The following MAP3K9 variants were observed in gnomAD, a reference collection of about 807,000 sequenced individuals.
The protein encoded by MAP3K9 is mitogen-activated protein kinase kinase kinase 9, also known as mixed lineage kinase 1 (tyr and ser/thr specificity).
Under a neutral mutation model 95.8 loss-of-function variants are expected in MAP3K9, and 46 were observed. The observed-to-expected ratio is 0.48, with a 90% CI of 0.38 to 0.61. The LOEUF is 0.61. Ranked by LOEUF, MAP3K9 falls within the 20% of genes least tolerant of loss-of-function variation. MAP3K9 has a pLI of 0.00. For missense variants in MAP3K9, 1,296 were observed against 1,474.3 expected (o/e 0.88, Z 1.98); for synonymous variants, 533 against 593.8 (o/e 0.90, Z 1.49).
chr14:70,734,066 AC>A (rs2053950828), intron 10 of MAP3K9, among the ~76,000 whole-genome samples: 1 of 152,178 alleles, frequency 6.6e-6, no homozygotes, highest in African/African-American at 2.4e-5. Context: ...GAGCCATACT[AC>A]AGGCTTTTCT....
intron 2 of MAP3K9, among the ~76,000 whole-genome samples, chr14:70,796,611 C>T (rs969476182): frequency 6.6e-6 from 1 of 152,220 alleles, no homozygotes; most frequent in Non-Finnish European, 1.5e-5. Flanking sequence ...CAGGCGACCA[C>T]ACTCTGTCCA....
rs1362717092 is a variant in MAP3K9, at chr14:70,753,757, CTT to C, written c.1002-3678_1002-3677del. Among the ~76,000 whole-genome samples, 6 of 152,296 alleles carry C rather than the reference CTT, an allele frequency of 3.9e-5. No individual in the cohort carries two copies. The East Asian group carries it at 5.8e-4, about 15-fold the overall frequency. The stretch of plus-strand genomic sequence containing the variant: ...TAACCCAACCCTCACAAAATTTACT[CTT>C]GAGTTAATAATTAACCACCTCCCGA... On this transcript the variant is annotated intron_variant, in intron 3 of 11. Coordinates refer to ENST00000554752, the MANE Select transcript of MAP3K9 (RefSeq NM_001284230.2).
intron 6 of MAP3K9, among the ~76,000 whole-genome samples, chr14:70,740,982 T>C (rs1271722121): frequency 6.6e-6 from 1 of 152,174 alleles, no homozygotes; most frequent in Non-Finnish European, 1.5e-5. Context: ...CATAAACATA[T>C]TCACTCAACT....
chr14:70,799,981 G>C (rs1001015310), intron 2 of MAP3K9, among the ~76,000 whole-genome samples: 14 of 152,038 alleles, frequency 9.2e-5, no homozygotes, highest in African/African-American at 3.1e-4. Context: ...TGAAGGACTG[G>C]AGCTTCTACC....
chr14:70,801,088 AGGG>A lies in MAP3K9; in HGVS notation c.407-11_407-9del. ...CAAAATCAATTTCTAACACTGAGAA[AGGG>A]AAGAAAAAAAGAAGCAAGTCAAAAA... On this transcript the variant is annotated splice_polypyrimidine_tract_variant and intron_variant, in intron 1 of 11. Transcript: ENST00000554752. The A allele has an allele frequency of 1.3e-6, 2 of 1,591,508 alleles. No individual in the cohort carries two copies. The highest frequency in any genetic ancestry group is 1.8e-5 in the Admixed American group (1 of 56,780).
chr14:70,750,034 C>G lies in MAP3K9; in HGVS notation c.1049G>C (p.Arg350Pro). The G allele has an allele frequency of 6.2e-7, 1 of 1,614,166 alleles. No homozygotes were observed. The highest frequency in any genetic ancestry group is 8.5e-7 in the Non-Finnish European group (1 of 1,180,038). ...WELLTGEVPF[R>P]GIDGLAVAYG... is the part of the protein sequence containing the mutation. ...AGCGACTGCTAAGCCATCAATGCCTCGAAAGGGCACCTCACCAGTCAGCAA... is the reference window on the plus strand; with the variant it reads ...AGCGACTGCTAAGCCATCAATGCCTGGAAAGGGCACCTCACCAGTCAGCAA... Residue 350 changes from arginine to proline, a missense_variant, in exon 4 of 12, where the codon CGA becomes CCA. Physicochemically the swap from Arg to Pro is moderately radical, Grantham distance 103. Around this residue, in one of 5 missense-constraint regions of MAP3K9, gnomAD observed 136 missense variants for 221.5 expected, o/e 0.61. Coordinates refer to ENST00000554752, the MANE Select transcript of MAP3K9 (RefSeq NM_001284230.2).
intron 7 of MAP3K9, among the ~76,000 whole-genome samples, chr14:70,739,359 T>C (rs1414648994): frequency 1.3e-5 from 2 of 152,122 alleles, no homozygotes; most frequent in Admixed American, 1.3e-4. Context: ...CTCGATCTCC[T>C]GACCTCATGA....
intron 2 of MAP3K9, among the ~76,000 whole-genome samples, chr14:70,790,348 A>T (rs2054793587): frequency 6.6e-6 from 1 of 152,234 alleles, no homozygotes; most frequent in Non-Finnish European, 1.5e-5. Context: ...AGTCACTAAC[A>T]TTCCCAAATA....
In MAP3K9 at chr14:70,730,312, G is replaced by A. The variant is rs2053876676; in HGVS notation, c.*68C>T. The A allele has an allele frequency of 6.5e-7, 1 of 1,544,476 alleles. No individual in the cohort carries two copies. Among genetic ancestry groups the A allele is most frequent in the African/African-American group, 1.4e-5 (1 of 73,242 alleles). Reference sequence around the variant, plus strand: ...TCTCAGGGGGTCCAACCCTGAGAAAGGGCTGTGCCCGCCAGCTCCCCTCAT... The same window carrying A: ...TCTCAGGGGGTCCAACCCTGAGAAAAGGCTGTGCCCGCCAGCTCCCCTCAT... On this transcript the variant is annotated 3_prime_UTR_variant, in exon 12 of 12. Coordinates refer to ENST00000554752, the MANE Select transcript of MAP3K9 (RefSeq NM_001284230.2).
chr14:70,742,912 TA>T (rs1307490014), intron 5 of MAP3K9, among the ~76,000 whole-genome samples: 104 of 2,714 alleles, frequency 0.038, 1 homozygote, highest in Middle Eastern at 0.25. Flanking sequence ...TATATATATT[TA>T]TATATATATA....
At chr14:70,747,980 C>T (rs1480851617) in intron 5 of MAP3K9, among the ~76,000 whole-genome samples, 3 of 150,494 alleles carry the variant, frequency 2.0e-5, no homozygotes, top group South Asian at 2.1e-4. Flanking sequence ...AGGTGGCGGG[C>T]GCCTGTAGTC....
intron 2 of MAP3K9, among the ~76,000 whole-genome samples, chr14:70,769,587 C>G (rs1272332258): frequency 6.6e-6 from 1 of 152,212 alleles, no homozygotes; most frequent in Non-Finnish European, 1.5e-5. Flanking sequence ...ATCAAGGTGT[C>G]GGCAGGGCCA....
chr14:70,787,084 G>GT (rs1335968079), intron 2 of MAP3K9, among the ~76,000 whole-genome samples: 2 of 152,102 alleles, frequency 1.3e-5, no homozygotes, highest in Non-Finnish European at 2.9e-5. Context: ...GAAAACAGTT[G>GT]TATCTGCACA....
chr14:70,747,595 C>T (rs1349612028), intron 5 of MAP3K9, among the ~76,000 whole-genome samples: 1 of 152,166 alleles, frequency 6.6e-6, no homozygotes, highest in Non-Finnish European at 1.5e-5. Context: ...TGCTTCCCCA[C>T]TTACTAACTC....
rs997166502 is a variant in MAP3K9, at chr14:70,809,310, T to C, written c.-139A>G. 3 of 1,101,160 alleles carry C rather than the reference T, an allele frequency of 2.7e-6. No individual in the cohort carries two copies. The African/African-American group carries it at 4.9e-5, about 18-fold the overall frequency. 68.2% of individuals were successfully genotyped at this position (1,101,160 alleles called of 1,614,324 possible). A position where few individuals can be genotyped will look rare whatever the true frequency, so the allele number is the denominator to read the frequency against. On this transcript the variant is annotated 5_prime_UTR_variant, in exon 1 of 12. Coordinates refer to ENST00000554752, the MANE Select transcript of MAP3K9 (RefSeq NM_001284230.2). ...CAGGTAGGGCCCGGGCTGGCAGGGC[T>C]GGGAGAGCCGGCTCGCCGGCGCTGT...
intron 2 of MAP3K9, among the ~76,000 whole-genome samples, chr14:70,784,373 G>C (rs766832905): frequency 2.0e-5 from 3 of 152,088 alleles, no homozygotes; most frequent in Admixed American, 6.6e-5. Flanking sequence ...CCAATAACAT[G>C]GAAGCTTCTG....
chr14:70,753,945 C>A (rs1026752087), intron 3 of MAP3K9, among the ~76,000 whole-genome samples: 1 of 152,140 alleles, frequency 6.6e-6, no homozygotes, highest in Non-Finnish European at 1.5e-5. Flanking sequence ...TAGTAACCTG[C>A]ACCATCTCTA....
intron 2 of MAP3K9, among the ~76,000 whole-genome samples, chr14:70,778,824 GTAAAGTGGGGACCAC>G (rs1018868232): frequency 9.2e-5 from 14 of 152,232 alleles, no homozygotes; most frequent in African/African-American, 3.1e-4. Context: ...CCAGAAAGTG[GTAAAGTGGGGACCAC>G]TGGCTACTCT....
chr14:70,798,770 G>A (rs1335553455), intron 2 of MAP3K9, among the ~76,000 whole-genome samples: 1 of 151,950 alleles, frequency 6.6e-6, no homozygotes, highest in Non-Finnish European at 1.5e-5. Flanking sequence ...GAGCCACCGC[G>A]CCCGGCCCAA....
Sources: allele counts gnomAD v4.1 joint callset (sites outside exome capture counted in the v4.1 genomes callset), GRCh38; gene constraint gnomAD v4.1.1; regional missense constraint gnomAD v4.1.1; transcripts MANE v1.5; gene names NCBI Gene and HGNC (gene_info 2026-07-23, HGNC 2026-07-21).